The following MCU variants were observed in gnomAD, a reference collection of about 807,000 sequenced individuals.
The protein encoded by MCU is mitochondrial calcium uniporter.
MCU carries 12 observed loss-of-function variants against 45.2 expected under a neutral mutation model. That is an observed-to-expected ratio of 0.27 (90% CI 0.17 to 0.43). MCU has a LOEUF of 0.43. MCU is among the 20% of genes least tolerant of loss of function. The pLI, the probability that MCU is intolerant of heterozygous loss-of-function variation, is 1.00. For synonymous variants in MCU, 160 were observed against 165.1 expected (o/e 0.97, Z 0.24); for missense variants, 324 against 436.7 (o/e 0.74, Z 2.30).
chr10:72,708,504 G>A (rs1247779151), intron 1 of MCU: 1 of 152,232 alleles, frequency 6.6e-6, no homozygotes, highest in Non-Finnish European at 1.5e-5. Context: ...GTTGCCTGCA[G>A]GAGTCAATAG....
At chr10:72,768,929 G>A (rs1347019463) in intron 1 of MCU, among the ~76,000 whole-genome samples, 2 of 152,032 alleles carry the variant, frequency 1.3e-5, no homozygotes, top group African/African-American at 4.8e-5. Context: ...ATAGCTCACT[G>A]TAACTTTGAA....
chr10:72,701,723 G>A (rs1410503626), intron 1 of MCU, among the ~76,000 whole-genome samples: 1 of 151,860 alleles, frequency 6.6e-6, no homozygotes, highest in Non-Finnish European at 1.5e-5. Context: ...AGTAGAGATG[G>A]GGTTTCACCA....
At chr10:72,762,003 T>G (rs986020370) in intron 1 of MCU, among the ~76,000 whole-genome samples, 1 of 152,170 alleles carries the variant, frequency 6.6e-6, no homozygotes, top group Non-Finnish European at 1.5e-5. Context: ...AAGTGATTTG[T>G]CCTTAGGCTC....
In MCU at chr10:72,733,692, TA is replaced by T. The variant is rs1484173412; in HGVS notation, c.150+41392del. On this transcript the variant is annotated intron_variant, in intron 1 of 7. Transcript: ENST00000373053. ...GATATATATGTTTCATATATATATA[TA>T]TATATATATATTTTTTTAAAGAACA... Among the ~76,000 whole-genome samples the T allele has an allele frequency of 1.6e-3, 240 of 146,188 alleles. 1 individual carries two copies. The highest frequency in any genetic ancestry group is 3.6e-3 in the Middle Eastern group (1 of 274).
chr10:72,696,663 A>G (rs530589482), intron 1 of MCU, among the ~76,000 whole-genome samples: 3 of 152,156 alleles, frequency 2.0e-5, no homozygotes, highest in Non-Finnish European at 4.4e-5. Flanking sequence ...AATGATGTGT[A>G]TCTTATTACC....
intron 1 of MCU, among the ~76,000 whole-genome samples, chr10:72,701,236 C>G (rs919616763): frequency 1.3e-5 from 2 of 152,182 alleles, no homozygotes; most frequent in Non-Finnish European, 2.9e-5. Flanking sequence ...AAGAAACCAT[C>G]TAAGACCTGA....
intron 1 of MCU, among the ~76,000 whole-genome samples, chr10:72,707,318 C>A (rs1842835418): frequency 2.0e-5 from 3 of 151,416 alleles, no homozygotes; most frequent in African/African-American, 7.3e-5. Context: ...CCTGCCTCAG[C>A]CTCCCGAGTA....
intron 1 of MCU, among the ~76,000 whole-genome samples, chr10:72,776,180 A>AG (rs1015686337): frequency 5.3e-5 from 8 of 152,066 alleles, no homozygotes; most frequent in African/African-American, 1.7e-4. Context: ...TAAAAAAAAA[A>AG]AAAATTGAAG....
chr10:72,704,940 T>G (rs1353141643), intron 1 of MCU, among the ~76,000 whole-genome samples: 1 of 151,870 alleles, frequency 6.6e-6, no homozygotes, highest in Non-Finnish European at 1.5e-5. Flanking sequence ...AGGCTGATCT[T>G]GAACTCCTGA....
In MCU at chr10:72,758,848, A is replaced by G. The variant is rs367670253; in HGVS notation, c.150+66547A>G. Among the ~76,000 whole-genome samples the G allele has an allele frequency of 1.8e-4, 28 of 152,288 alleles. No homozygotes were observed. In the East Asian group the frequency reaches 5.0e-3, roughly 27 times the overall value. ...TTCCGTAATATTACTTAAATTTTCT[A>G]TTGGAAACACAATTTTAAGACAGAA... On this transcript the variant is annotated intron_variant, in intron 1 of 7. Transcript: ENST00000373053.
At chr10:72,704,714 T>C (rs1370857189) in intron 1 of MCU, among the ~76,000 whole-genome samples, 1 of 139,226 alleles carries the variant, frequency 7.2e-6, no homozygotes, top group Non-Finnish European at 1.6e-5. Context: ...ATTTTTTTTT[T>C]TTTTTTTTTT....
At chr10:72,734,353 C>T (rs1843222223) in intron 1 of MCU, among the ~76,000 whole-genome samples, 1 of 152,144 alleles carries the variant, frequency 6.6e-6, no homozygotes. Flanking sequence ...CTATGTACTG[C>T]AAATACAAAA....
intron 1 of MCU, among the ~76,000 whole-genome samples, 164 bp from the exon 2 acceptor site, chr10:72,834,195 G>A (rs1349213506): frequency 1.3e-5 from 2 of 152,122 alleles, no homozygotes; most frequent in Non-Finnish European, 2.9e-5. Context: ...CAGGATGATA[G>A]GAGTTTGAAA....
intron 1 of MCU, among the ~76,000 whole-genome samples, chr10:72,801,471 C>T (rs534532401): frequency 1.2e-3 from 174 of 148,644 alleles, no homozygotes; most frequent in Non-Finnish European, 1.9e-3. Context: ...AACATTAGAA[C>T]TTTACCCTTC....
At chr10:72,780,222 A>G (rs1022689894) in intron 1 of MCU, among the ~76,000 whole-genome samples, 3 of 152,166 alleles carry the variant, frequency 2.0e-5, no homozygotes, top group Non-Finnish European at 2.9e-5. Flanking sequence ...AGGCAAATCC[A>G]TAGAGAAAAA....
At chr10:72,791,497 T>C (rs983955117) in intron 1 of MCU, among the ~76,000 whole-genome samples, 46 of 152,262 alleles carry the variant, frequency 3.0e-4, no homozygotes, top group Admixed American at 2.6e-4. Flanking sequence ...TGTTTCTCTT[T>C]AGATAATGTT....
At chr10:72,856,292 T>C (rs1845289643) in intron 2 of MCU, among the ~76,000 whole-genome samples, 1 of 152,202 alleles carries the variant, frequency 6.6e-6, no homozygotes, top group African/African-American at 2.4e-5. Context: ...ATAGAAATGT[T>C]CTTTATTTTG....
At chr10:72,714,345 C>CTTTTTTTTTTTTTTGTT (rs1842932266) in intron 1 of MCU, among the ~76,000 whole-genome samples, 1 of 54,768 alleles carries the variant, frequency 1.8e-5, no homozygotes, top group Non-Finnish European at 4.0e-5. Context: ...CCGCCCTGGT[C>CTTTTTTTTTTTTTTGTT]TTTTTTTTTT....
At chr10:72,820,034 G>T (rs1269381741) in intron 1 of MCU, among the ~76,000 whole-genome samples, 1 of 152,034 alleles carries the variant, frequency 6.6e-6, no homozygotes, top group African/African-American at 2.4e-5. Context: ...GAACATGAGT[G>T]GTATATGTCT....
Sources: gnomAD v4.1 joint callset for allele counts (sites outside exome capture counted in the v4.1 genomes callset) on GRCh38, gnomAD v4.1.1 for gene constraint, MANE v1.5 for transcripts, NCBI Gene and HGNC (gene_info 2026-07-23, HGNC 2026-07-21) for gene names.